Variants in MAGI2 observed in about 807,000 individuals in gnomAD.
MAGI2 encodes membrane-associated guanylate kinase, WW and PDZ domain-containing protein 2.
In MAGI2, 35 loss-of-function variants were observed where a neutral mutation model predicts 133.3. That is an observed-to-expected ratio of 0.26 (90% CI 0.20 to 0.35). The LOEUF (loss-of-function observed/expected upper bound fraction) is 0.35. Among genes scored for constraint, MAGI2 ranks in the 10% least tolerant of loss-of-function variants. The pLI is 1.00. For synonymous variants in MAGI2, 729 were observed against 710.6 expected, an observed-to-expected ratio of 1.03 and a Z score of -0.41; for missense variants, 1,636 against 1,863.4, an observed-to-expected ratio of 0.88 and a Z score of 2.25.
rs767269169 is a variant in MAGI2 at position 78,882,068 on chromosome 7, T to TAACAAC, written c.418+125016_418+125021dup. Among the ~76,000 whole-genome samples, 202 of 29,750 alleles carry TAACAAC rather than the reference T, an allele frequency of 6.8e-3. 24 individuals are homozygous for TAACAAC. Among genetic ancestry groups the TAACAAC allele is most frequent in the Middle Eastern group, 0.065 (3 of 46 alleles). 19.5% of individuals were successfully genotyped at this position (29,750 alleles called of 152,430 possible). A position where few individuals can be genotyped will look rare whatever the true frequency, so the allele number is the denominator to read the frequency against. The stretch of plus-strand genomic sequence containing the variant: ...AAGACTGACAGACCTCTAGCTAGAT[T>TAACAAC]AACAACAACAACAACAACAAAAAAA... On this transcript the variant is annotated intron_variant, in intron 2 of 21. Transcript: ENST00000354212.
At chr7:78,713,839 T>C (rs140690940) in intron 2 of MAGI2, among the ~76,000 whole-genome samples, 3 of 152,218 alleles carry the variant, frequency 2.0e-5, no homozygotes, top group African/African-American at 7.2e-5. Context: ...GTATTCTCAA[T>C]TGATTTTCTA....
At chr7:78,098,806 A>G (rs1817945515) in intron 20 of MAGI2, among the ~76,000 whole-genome samples, 1 of 152,186 alleles carries the variant, frequency 6.6e-6, no homozygotes, top group Admixed American at 6.5e-5. Context: ...TTTGATGGAT[A>G]TAAAGTGCTA....
At chr7:78,761,585 C>T (rs190512505) in intron 2 of MAGI2, among the ~76,000 whole-genome samples, 1 of 151,894 alleles carries the variant, frequency 6.6e-6, no homozygotes, top group East Asian at 1.9e-4. Flanking sequence ...CCTGCCTCAG[C>T]CTCCTGAGTA....
chr7:78,539,950 G>A (rs1374371290), intron 3 of MAGI2, among the ~76,000 whole-genome samples: 1 of 152,222 alleles, frequency 6.6e-6, no homozygotes, highest in African/African-American at 2.4e-5. Flanking sequence ...ATTAGCTGCT[G>A]TTTTCTCCTT....
intron 10 of MAGI2, among the ~76,000 whole-genome samples, chr7:78,207,474 G>C (rs963348317): frequency 6.6e-6 from 1 of 152,120 alleles, no homozygotes; most frequent in Non-Finnish European, 1.5e-5. Context: ...CCCACAGCCT[G>C]GAAAACAGAC....
intron 9 of MAGI2, among the ~76,000 whole-genome samples, chr7:78,320,058 T>G (rs568950561): frequency 3.3e-5 from 5 of 152,242 alleles, no homozygotes; most frequent in South Asian, 4.1e-4. Flanking sequence ...ACATGCACTC[T>G]CCCGAGTCTA....
chr7:78,520,397 A>G (rs1241749393), intron 4 of MAGI2, among the ~76,000 whole-genome samples: 2 of 152,192 alleles, frequency 1.3e-5, no homozygotes, highest in Non-Finnish European at 2.9e-5. Context: ...AACAGCATAA[A>G]AATTCCAATA....
At chr7:79,325,500 G>A (rs1421925133) in intron 1 of MAGI2, among the ~76,000 whole-genome samples, 1 of 152,040 alleles carries the variant, frequency 6.6e-6, no homozygotes, top group East Asian at 1.9e-4. Context: ...AAAACCAATA[G>A]GTGTATCAGT....
At chr7:78,298,804 C>A (rs1797555726) in intron 9 of MAGI2, among the ~76,000 whole-genome samples, 1 of 142,440 alleles carries the variant, frequency 7.0e-6, no homozygotes, top group South Asian at 2.3e-4. Flanking sequence ...CACACCTGGC[C>A]TAAACGTTTT....
intron 9 of MAGI2, among the ~76,000 whole-genome samples, chr7:78,272,762 C>T (rs906005462): frequency 6.6e-5 from 10 of 152,136 alleles, no homozygotes; most frequent in Non-Finnish European, 1.5e-4. Flanking sequence ...AGGATTGCAA[C>T]CCCTGCTTTT....
chr7:78,531,548 C>T (rs113672401), intron 3 of MAGI2, among the ~76,000 whole-genome samples: 106 of 152,130 alleles, frequency 7.0e-4, no homozygotes, highest in African/African-American at 2.2e-3. Context: ...GAGCTCAATG[C>T]TTAAGAGACA....
At chr7:79,078,227 T>C (rs964436684) in intron 1 of MAGI2, among the ~76,000 whole-genome samples, 3 of 152,174 alleles carry the variant, frequency 2.0e-5, no homozygotes, top group Non-Finnish European at 2.9e-5. Flanking sequence ...ACTCAATGCA[T>C]GTCTCAGGCT....
intron 1 of MAGI2, among the ~76,000 whole-genome samples, chr7:79,129,674 GT>G (rs1309693858): frequency 6.6e-6 from 1 of 150,920 alleles, no homozygotes; most frequent in African/African-American, 2.5e-5. Flanking sequence ...CAGAAAATAA[GT>G]CTCACTGCTT....
intron 9 of MAGI2, among the ~76,000 whole-genome samples, chr7:78,309,292 G>A (rs1798494328): frequency 6.6e-6 from 1 of 152,164 alleles, no homozygotes. Flanking sequence ...CAACCTAGAT[G>A]CCCATCAACA....
chr7:78,884,143 G>C (rs1799027), intron 2 of MAGI2, among the ~76,000 whole-genome samples: 1 of 151,856 alleles, frequency 6.6e-6, no homozygotes, highest in Non-Finnish European at 1.5e-5. Context: ...TATAAAAAAC[G>C]TAAAGAACAA....
chr7:78,702,241 T>C (rs1259200897), intron 2 of MAGI2, among the ~76,000 whole-genome samples: 1 of 152,014 alleles, frequency 6.6e-6, no homozygotes, highest in Non-Finnish European at 1.5e-5. Context: ...AAATCACTTA[T>C]GTGAATTGTA....
chr7:79,107,542 T>C (rs534465628), intron 1 of MAGI2, among the ~76,000 whole-genome samples: 3 of 152,286 alleles, frequency 2.0e-5, no homozygotes, highest in South Asian at 4.1e-4. Flanking sequence ...GATAATAAAT[T>C]TGTGTTGTTG....
At chr7:78,891,339 A>G (rs918234432) in intron 2 of MAGI2, among the ~76,000 whole-genome samples, 3 of 152,222 alleles carry the variant, frequency 2.0e-5, no homozygotes, top group African/African-American at 7.2e-5. Context: ...AACTATTCCA[A>G]TCAATAGAAA....
intron 2 of MAGI2, among the ~76,000 whole-genome samples, chr7:78,660,071 A>G (rs982780153): frequency 1.4e-5 from 2 of 143,696 alleles, no homozygotes; most frequent in African/African-American, 5.0e-5. Context: ...GAATTGAACA[A>G]TGAGAACACT....
Sources: gnomAD v4.1 joint callset for allele counts (sites outside exome capture counted in the v4.1 genomes callset) on GRCh38, gnomAD v4.1.1 for gene constraint, MANE v1.5 for transcripts, NCBI Gene and HGNC (gene_info 2026-07-23, HGNC 2026-07-21) for gene names.